The following TIAM1 variants were observed in gnomAD, a reference collection of about 807,000 sequenced individuals.
TIAM1 encodes TIAM Rac1 associated GEF 1.
Under a neutral mutation model 163.5 loss-of-function variants are expected in TIAM1, and 65 were observed. That is an observed-to-expected ratio of 0.40 (90% CI 0.33 to 0.49). The LOEUF (loss-of-function observed/expected upper bound fraction) is 0.49, where lower values mean the gene tolerates loss of function less well. Ranked by LOEUF, TIAM1 falls within the 20% of genes least tolerant of loss-of-function variation. TIAM1 has a pLI of 0.77. For synonymous variants in TIAM1, 833 were observed against 810.1 expected (o/e 1.03, Z -0.48); for missense variants, 1,789 against 2,044.7 (o/e 0.87, Z 2.41).
In TIAM1 at chr21:31,120,686, C is replaced by T. The variant is rs2081967641; in HGVS notation, c.4458G>A (p.Glu1486=). ...GGGDTDRWVE[E]QFDLAQYEEQ... Reference sequence around the variant, plus strand: ...CCTCATACTGAGCAAGATCAAACTGCTCCTCTACCCATCGGTCAGTGTCCC... The same window carrying T: ...CCTCATACTGAGCAAGATCAAACTGTTCCTCTACCCATCGGTCAGTGTCCC... The change falls in exon 28 of 28, where the codon GAG becomes GAA. Residue 1486 remains glutamate (E), a synonymous_variant. Transcript: ENST00000541036. The surrounding 1 kb of genome is among the most constrained non-coding windows in gnomAD (Gnocchi z 4.2). 1.2e-6 allele frequency: 2 copies of T among 1,613,982 alleles called. No individual in the cohort carries two copies. Among genetic ancestry groups the T allele is most frequent in the Non-Finnish European group, 1.7e-6 (2 of 1,180,034 alleles).
intron 2 of TIAM1, among the ~76,000 whole-genome samples, chr21:31,423,700 TAAAAAAAAAAAAA>T (rs200137644): frequency 8.1e-4 from 39 of 48,232 alleles, no homozygotes; most frequent in African/African-American, 2.7e-3. Flanking sequence ...TAGAAAGTTG[TAAAAAAAAAAAAA>T]AAAAAAAAAA....
chr21:31,478,851 G>A (rs555101875), intron 1 of TIAM1, among the ~76,000 whole-genome samples: 6 of 152,258 alleles, frequency 3.9e-5, no homozygotes, highest in African/African-American at 7.2e-5. Flanking sequence ...CCCCAAATGC[G>A]TGGCTTAAGT....
Position 31,498,261 on chromosome 21 carries a change from G to C in TIAM1, c.-421-34226C>G, listed in dbSNP as rs998096919. On this transcript the variant is annotated intron_variant, in intron 1 of 28. Transcript: ENST00000286827. ...GATTATTCCAGCAGCAAGCAATTCTGAATGGACAAATGAACTTTCTCACCA... is the reference window on the plus strand; with the variant it reads ...GATTATTCCAGCAGCAAGCAATTCTCAATGGACAAATGAACTTTCTCACCA... Among the ~76,000 whole-genome samples the C allele has an allele frequency of 2.0e-4, 31 of 152,322 alleles. 1 individual carries two copies. The highest frequency in any genetic ancestry group is 4.0e-4 in the Non-Finnish European group (27 of 68,030).
chr21:31,210,167 A>C lies in TIAM1; in HGVS notation c.2266T>G (p.Cys756Gly). 2.5e-6 allele frequency: 4 copies of C among 1,614,198 alleles called. No individual in the cohort carries two copies. The highest frequency in any genetic ancestry group is 3.4e-6 in the Non-Finnish European group (4 of 1,180,034). ...LPNVHQHNPD[C>G]DIWVHEYFTP... is the part of the protein sequence containing the mutation. The stretch of plus-strand genomic sequence containing the variant: ...AAATACTCGTGGACCCAAATGTCGC[A>C]GTCAGGGTTGTGCTGGTGAACGTTA... The change falls in exon 11 of 28, where the codon TGC (cysteine) becomes GGC (glycine). Residue 756 changes from cysteine to glycine, a missense_variant. This residue lies in a region of TIAM1 where 456 missense variants were observed against 586.6 expected (regional missense o/e 0.78). Transcript: ENST00000541036.
At chr21:31,154,173 G>C in intron 17 of TIAM1, 74 bp downstream of exon 17, 1 of 1,492,986 alleles carries the variant, frequency 6.7e-7, no homozygotes, top group Non-Finnish European at 9.1e-7. Context: ...AGCTGTTAAT[G>C]AAAACCAGCA....
intron 2 of TIAM1, among the ~76,000 whole-genome samples, chr21:31,407,629 ATTTTTTTTTTTTT>A (rs562921160): frequency 1.1e-5 from 1 of 94,076 alleles, no homozygotes; most frequent in Non-Finnish European, 2.0e-5. Context: ...TTTGCTCTTA[ATTTTTTTTTTTTT>A]TTTTTTTTTT....
intron 2 of TIAM1, among the ~76,000 whole-genome samples, chr21:31,454,692 G>A (rs1404926157): frequency 6.6e-6 from 1 of 152,210 alleles, no homozygotes. Context: ...AATAAGTAAA[G>A]ATATGAAGGA....
chr21:31,228,231 A>ATT (rs2088129106), intron 6 of TIAM1, among the ~76,000 whole-genome samples: 1 of 106,478 alleles, frequency 9.4e-6, no homozygotes, highest in African/African-American at 9.1e-5. Flanking sequence ...AAAAAAAAAA[A>ATT]AAAAAAAAAA....
chr21:31,396,645 T>C (rs2147209484), intron 2 of TIAM1, among the ~76,000 whole-genome samples: 1 of 149,384 alleles, frequency 6.7e-6, no homozygotes, highest in East Asian at 1.9e-4. Context: ...TATTTAATAA[T>C]ATTAATATAA....
chr21:31,349,470 C>T (rs1337345719), intron 2 of TIAM1, among the ~76,000 whole-genome samples: 2 of 152,212 alleles, frequency 1.3e-5, no homozygotes, highest in African/African-American at 4.8e-5. Flanking sequence ...GTGCCTTGCA[C>T]AAATGGTGCA....
chr21:31,384,113 T>C (rs577801314), intron 2 of TIAM1, among the ~76,000 whole-genome samples: 2 of 152,240 alleles, frequency 1.3e-5, no homozygotes, highest in South Asian at 2.1e-4. Flanking sequence ...CCACATATCC[T>C]GTGGTGTTCA....
At chr21:31,409,511 C>T (rs1821797772) in intron 2 of TIAM1, among the ~76,000 whole-genome samples, 1 of 152,182 alleles carries the variant, frequency 6.6e-6, no homozygotes, top group Non-Finnish European at 1.5e-5. Context: ...GGTTGAGGTT[C>T]CACAGCCCAC....
Position 31,120,656 on chromosome 21 carries a change from T to C in TIAM1, c.4488A>G (p.Gln1496=), listed in dbSNP as rs1467462714. ...EQFDLAQYEE[Q]DDIKETDILS... ...GGATGTCTGTCTCCTTGATGTCATC[T>C]TGCTCCTCATACTGAGCAAGATCAA... The change falls in exon 28 of 28, where the codon CAA becomes CAG. Residue 1496 remains glutamine (Q), a synonymous_variant. Transcript: ENST00000541036. The surrounding 1 kb of genome is among the most constrained non-coding windows in gnomAD (Gnocchi z 4.2). The C allele has an allele frequency of 1.2e-6, 2 of 1,614,138 alleles. No individual in the cohort carries two copies. The highest frequency in any genetic ancestry group is 2.2e-5 in the South Asian group (2 of 91,078).
intron 2 of TIAM1, among the ~76,000 whole-genome samples, chr21:31,414,583 C>T (rs151143182): frequency 0.011 from 1,698 of 152,298 alleles, 20 homozygotes; most frequent in Non-Finnish European, 0.018. Flanking sequence ...CCTCCTGTCT[C>T]TTGTCCAACT....
At chr21:31,397,390 C>T (rs902949703) in intron 2 of TIAM1, among the ~76,000 whole-genome samples, 3 of 152,108 alleles carry the variant, frequency 2.0e-5, no homozygotes, top group South Asian at 2.1e-4. Flanking sequence ...TGTTTCAAAC[C>T]GCTTCCTTCC....
At chr21:31,299,243 A>G (rs181823087) in intron 2 of TIAM1, among the ~76,000 whole-genome samples, 1 of 152,312 alleles carries the variant, frequency 6.6e-6, no homozygotes, top group African/African-American at 2.4e-5. Flanking sequence ...TCCTTCTGGG[A>G]TTCAATTAAA....
intron 3 of TIAM1, among the ~76,000 whole-genome samples, chr21:31,275,935 CTT>C (rs2073279640): frequency 1.3e-5 from 2 of 152,110 alleles, no homozygotes; most frequent in Admixed American, 1.3e-4. Flanking sequence ...TATTTAAAAA[CTT>C]ATTAAAATAA....
intron 2 of TIAM1, among the ~76,000 whole-genome samples, chr21:31,454,247 T>C (rs1272975324): frequency 6.6e-6 from 1 of 152,192 alleles, no homozygotes; most frequent in African/African-American, 2.4e-5. Context: ...CAATACATAG[T>C]ACAAAACACA....
At chr21:31,387,562 T>A (rs942545270) in intron 2 of TIAM1, among the ~76,000 whole-genome samples, 1 of 151,918 alleles carries the variant, frequency 6.6e-6, no homozygotes, top group African/African-American at 2.4e-5. Context: ...AGGGACACTG[T>A]CTTCTGACGA....
Sources: allele counts gnomAD v4.1 joint callset (sites outside exome capture counted in the v4.1 genomes callset), GRCh38; gene constraint gnomAD v4.1.1; regional missense constraint gnomAD v4.1.1; non-coding constraint Gnocchi (gnomAD v3.1); transcripts MANE v1.5; gene names NCBI Gene and HGNC (gene_info 2026-07-23, HGNC 2026-07-21).